The following ZNF385D variants were observed in gnomAD, a reference collection of about 807,000 sequenced individuals.
ZNF385D encodes zinc finger protein 385D.
In ZNF385D, 15 loss-of-function variants were observed where a neutral mutation model predicts 35.8. That is an observed-to-expected ratio of 0.42 (90% CI 0.28 to 0.64). The LOEUF (loss-of-function observed/expected upper bound fraction) is 0.64, where lower values mean the gene tolerates loss of function less well. ZNF385D is among the 30% of genes least tolerant of loss of function. The pLI, the probability that ZNF385D is intolerant of heterozygous loss-of-function variation, is 0.23. For synonymous variants in ZNF385D, 212 were observed against 186.8 expected, an observed-to-expected ratio of 1.13 and a Z score of -1.10; for missense variants, 474 against 494.6, an observed-to-expected ratio of 0.96 and a Z score of 0.39.
intron 2 of ZNF385D, among the ~76,000 whole-genome samples, chr3:22,172,581 C>G (rs976091820): frequency 2.6e-5 from 4 of 152,126 alleles, no homozygotes; most frequent in Non-Finnish European, 5.9e-5. Context: ...TTCTCTAACC[C>G]ACGCCACCCC....
In ZNF385D at chr3:22,229,525, T is replaced by C. The variant is rs556050105; in HGVS notation, c.107-60490A>G. On this transcript the variant is annotated intron_variant, in intron 2 of 5. Transcript: ENST00000494108. The stretch of plus-strand genomic sequence containing the variant: ...TTTGGCATTGCCATTCCCTTTATGA[T>C]TGTGGGTTATAGCCCCTCCCTCTAG... Among the ~76,000 whole-genome samples the C allele has an allele frequency of 7.9e-5, 12 of 152,314 alleles. No individual in the cohort carries two copies. In the South Asian group the frequency reaches 2.3e-3, roughly 29 times the overall value.
chr3:22,174,204 A>G (rs1432542515), intron 2 of ZNF385D, among the ~76,000 whole-genome samples: 3 of 152,214 alleles, frequency 2.0e-5, no homozygotes, highest in African/African-American at 7.2e-5. Context: ...CCCAATTTTA[A>G]TGAGTAGAAA....
At chr3:21,606,988 T>C (rs2064503186) in intron 2 of ZNF385D, among the ~76,000 whole-genome samples, 1 of 152,316 alleles carries the variant, frequency 6.6e-6, no homozygotes, top group South Asian at 2.1e-4. Flanking sequence ...CAGCAAATCA[T>C]ATATTATCAG....
chr3:22,169,171 T>C (rs1185569411), intron 2 of ZNF385D: 3 of 217,904 alleles, frequency 1.4e-5, no homozygotes, highest in African/African-American at 4.7e-5. Flanking sequence ...TTTTAATAGA[T>C]TGCTTTCACA....
chr3:22,129,355 C>A (rs1454727360), intron 3 of ZNF385D, among the ~76,000 whole-genome samples: 1 of 152,134 alleles, frequency 6.6e-6, no homozygotes, highest in Non-Finnish European at 1.5e-5. Context: ...TTGTTCAAGG[C>A]CCAAGGCCTC....
intron 3 of ZNF385D, among the ~76,000 whole-genome samples, chr3:21,937,018 A>G (rs931745293): frequency 2.0e-5 from 3 of 152,186 alleles, no homozygotes; most frequent in African/African-American, 7.2e-5. Context: ...TAACATTGTA[A>G]TAAGCAGAGA....
At chr3:21,846,298 G>A (rs1696003814) in intron 3 of ZNF385D, among the ~76,000 whole-genome samples, 1 of 151,886 alleles carries the variant, frequency 6.6e-6, no homozygotes, top group South Asian at 2.1e-4. Context: ...TTTTAGACTT[G>A]CACATCTGCC....
intron 3 of ZNF385D, among the ~76,000 whole-genome samples, chr3:21,549,204 T>C (rs1231637402): frequency 1.3e-5 from 2 of 152,192 alleles, no homozygotes; most frequent in Non-Finnish European, 2.9e-5. Context: ...CCTTTCTTAG[T>C]CTCTTCCTCA....
intron 1 of ZNF385D, among the ~76,000 whole-genome samples, chr3:21,706,115 G>T (rs1559536613): frequency 6.6e-6 from 1 of 152,140 alleles, no homozygotes; most frequent in Non-Finnish European, 1.5e-5. Flanking sequence ...GTTACTCATT[G>T]GTTACAGGAC....
intron 2 of ZNF385D, among the ~76,000 whole-genome samples, chr3:22,276,505 T>C (rs1188282142): frequency 6.6e-6 from 1 of 152,172 alleles, no homozygotes; most frequent in Non-Finnish European, 1.5e-5. Flanking sequence ...GCTCAAGCAA[T>C]GCACCTAAAG....
intron 4 of ZNF385D, among the ~76,000 whole-genome samples, chr3:21,506,085 A>T (rs1559356480): frequency 6.6e-6 from 1 of 152,180 alleles, no homozygotes; most frequent in Non-Finnish European, 1.5e-5. Context: ...TGAAGTTAAC[A>T]ATAGAATGTT....
At chr3:21,893,236 T>C (rs11712427) in intron 3 of ZNF385D, among the ~76,000 whole-genome samples, 8,178 of 152,240 alleles carry the variant, frequency 0.054, 352 homozygotes, top group South Asian at 0.17. Flanking sequence ...ACAAACTGGA[T>C]TGTCATCGTA....
In ZNF385D at chr3:22,174,023, C is replaced by G. The variant is rs866404537; in HGVS notation, c.107-4988G>C. On this transcript the variant is annotated intron_variant, in intron 2 of 5. Coordinates refer to the ZNF385D transcript ENST00000494108. ...ATTAAGATTATAAGCCATTTACACA[C>G]AAACACACACACACACACACACACA... Among the ~76,000 whole-genome samples the G allele has an allele frequency of 1.0e-3, 51 of 49,498 alleles. No homozygotes were observed. In the Middle Eastern group the frequency reaches 0.069, roughly 67 times the overall value. 32.5% of individuals were successfully genotyped at this position (49,498 alleles called of 152,430 possible).
At chr3:21,901,980 T>C (rs754355870) in intron 3 of ZNF385D, among the ~76,000 whole-genome samples, 1 of 152,130 alleles carries the variant, frequency 6.6e-6, no homozygotes, top group Non-Finnish European at 1.5e-5. Context: ...GGTCACAGTC[T>C]CTCTGTCCAT....
chr3:21,960,648 C>A (rs148525077), intron 3 of ZNF385D, among the ~76,000 whole-genome samples: 1 of 152,098 alleles, frequency 6.6e-6, no homozygotes, highest in Non-Finnish European at 1.5e-5. Context: ...TTGTTTATTG[C>A]AGCACTATTC....
intron 3 of ZNF385D, among the ~76,000 whole-genome samples, chr3:21,917,473 G>A (rs778485894): frequency 6.6e-6 from 1 of 152,178 alleles, no homozygotes; most frequent in Non-Finnish European, 1.5e-5. Flanking sequence ...AGAGAGAATG[G>A]TGGTGCTTCT....
chr3:22,040,437 G>A (rs1292022315), intron 3 of ZNF385D, among the ~76,000 whole-genome samples: 1 of 152,084 alleles, frequency 6.6e-6, no homozygotes, highest in Non-Finnish European at 1.5e-5. Flanking sequence ...CAGATCAAGG[G>A]TTGCAAGCCC....
At chr3:21,835,777 A>G (rs909362691) in intron 3 of ZNF385D, among the ~76,000 whole-genome samples, 5 of 152,096 alleles carry the variant, frequency 3.3e-5, no homozygotes, top group Admixed American at 6.6e-5. Flanking sequence ...TCATTTCCAG[A>G]AAAACAAAAA....
chr3:21,534,140 A>C (rs1258005352), intron 3 of ZNF385D, among the ~76,000 whole-genome samples: 1 of 151,788 alleles, frequency 6.6e-6, no homozygotes, highest in Non-Finnish European at 1.5e-5. Flanking sequence ...AAAAAAAAAA[A>C]CTTACTCAAA....
Sources: gnomAD v4.1 joint callset for allele counts (sites outside exome capture counted in the v4.1 genomes callset) on GRCh38, gnomAD v4.1.1 for gene constraint, MANE v1.5 for transcripts, NCBI Gene and HGNC (gene_info 2026-07-23, HGNC 2026-07-21) for gene names.